The following RBL2 variants were observed in gnomAD, a reference collection of about 807,000 sequenced individuals.
RBL2 encodes retinoblastoma-like protein 2.
In RBL2, 56 loss-of-function variants were observed where a neutral mutation model predicts 126.0. The ratio of observed to expected loss-of-function variants is 0.44; its 90% CI spans 0.36 to 0.56. RBL2 has a LOEUF of 0.56. RBL2 is among the 20% of genes least tolerant of loss of function. The probability of loss-of-function intolerance (pLI) is 0.00; values close to 1 mark genes in which losing one functional copy is unlikely to be tolerated. For synonymous variants in RBL2, 454 were observed against 478.5 expected, an observed-to-expected ratio of 0.95 and a Z score of 0.67; for missense variants, 1,229 against 1,398.2, an observed-to-expected ratio of 0.88 and a Z score of 1.93.
Position 53,470,495 on chromosome 16 carries a change from T to G in RBL2, c.2358T>G (p.Ala786=). ...SIQPLSAQAL[A]GSLSSQQVTG... ...AGCCCCTCAGTGCTCAGGCCCTGGC[T>G]GGAAGTCTGAGCTCTCAACAGGTGA... Residue 786 remains alanine, a synonymous_variant, in exon 16 of 22, where the codon GCT becomes GCG. Transcript: ENST00000262133. The G allele has an allele frequency of 6.2e-7, 1 of 1,614,170 alleles. No homozygotes were observed. Among genetic ancestry groups the G allele is most frequent in the East Asian group, 2.2e-5 (1 of 44,882 alleles).
chr16:53,453,394 A>G, intron 5 of RBL2, 58 bp from the exon 6 acceptor site: 2 of 1,471,106 alleles, frequency 1.4e-6, no homozygotes, highest in Middle Eastern at 1.8e-4. Flanking sequence ...ATTTTAGTTT[A>G]TTACAAATTG....
intron 8 of RBL2, among the ~76,000 whole-genome samples, chr16:53,458,705 A>G (rs1453967514): frequency 6.6e-6 from 1 of 152,222 alleles, no homozygotes; most frequent in Non-Finnish European, 1.5e-5. Context: ...GAGTCCTCAG[A>G]ATCATGGTGT....
chr16:53,461,922 A>G, intron 10 of RBL2, 72 bp downstream of exon 10: 1 of 1,318,458 alleles, frequency 7.6e-7, no homozygotes, highest in Non-Finnish European at 1.1e-6. Context: ...TTACTAACTA[A>G]GAAAGATGAG....
intron 1 of RBL2, chr16:53,435,867 C>G: frequency 1.0e-6 from 1 of 974,998 alleles, no homozygotes; most frequent in Non-Finnish European, 1.4e-6. Context: ...GTTAGGTCTG[C>G]AGAAGATAGT....
At chr16:53,480,352 T>C in intron 19 of RBL2, 1 of 564,326 alleles carries the variant, frequency 1.8e-6, no homozygotes, top group Non-Finnish European at 3.1e-6. Context: ...AACTTATTAA[T>C]GGACACTACT....
In RBL2 at chr16:53,434,630, A is replaced by AGGAGGACGACGGCGAGGC. The variant is rs1279410370; in HGVS notation, c.78_95dup (p.Asp28_Asp33dup). The AGGAGGACGACGGCGAGGC allele has an allele frequency of 1.3e-6, 2 of 1,563,334 alleles. No homozygotes were observed. Among genetic ancestry groups the AGGAGGACGACGGCGAGGC allele is most frequent in the Non-Finnish European group, 1.7e-6 (2 of 1,164,776 alleles). ...GCGGCGGCAGCCTCGGATGAGGAGGAGGAGGACGACGGCGAGGCGGAAGAC... is the reference window on the plus strand; with the variant it reads ...GCGGCGGCAGCCTCGGATGAGGAGGAGGAGGACGACGGCGAGGCGGAGGACGACGGCGAGGCGGAAGAC... On this transcript the variant is annotated inframe_insertion, in exon 1 of 22. Coordinates refer to ENST00000262133, the MANE Select transcript of RBL2 (RefSeq NM_005611.4).
chr16:53,470,137 G>A lies in RBL2; in HGVS notation c.2197G>A (p.Ala733Thr), dbSNP rs1372130543. Residue 733 changes from alanine (A) to threonine (T), a missense_variant, in exon 15 of 22, where the codon GCC (alanine) becomes ACC (threonine). By Grantham distance (58) the Ala-to-Thr change is moderately conservative (BLOSUM62 0). Around this residue, in one of 2 missense-constraint regions of RBL2, gnomAD observed 1,070 missense variants for 1,274.3 expected, o/e 0.84. Coordinates refer to ENST00000262133, the MANE Select transcript of RBL2 (RefSeq NM_005611.4). ...ACAGACTTTGGTCACCATGGCAACC[G>A]CCACTGTCACAGCCAACAATGGGCA... ...PGQTLVTMAT[A>T]TVTANNGQTV... The A allele has an allele frequency of 3.7e-6, 6 of 1,613,280 alleles. No homozygotes were observed. Among genetic ancestry groups the A allele is most frequent in the Admixed American group, 1.7e-5 (1 of 59,982 alleles).
At chr16:53,465,271 C>T (rs920000516) in intron 12 of RBL2, among the ~76,000 whole-genome samples, 167 bp from the exon 13 acceptor site, 1 of 152,010 alleles carries the variant, frequency 6.6e-6, no homozygotes, top group African/African-American at 2.4e-5. Flanking sequence ...CAATGTAAAC[C>T]ATTTTATATA....
chr16:53,490,734 T>TA lies in RBL2; in HGVS notation c.*438dup, dbSNP rs1324796980. On this transcript the variant is annotated 3_prime_UTR_variant, in exon 22 of 22. Coordinates refer to ENST00000262133, the MANE Select transcript of RBL2 (RefSeq NM_005611.4). ...AAAACAAAAATTAGGTATTTTGTCC[T>TA]AAAACACCTGGTAGGAGTGTGTGAT... The TA allele has an allele frequency of 6.7e-6, 1 of 149,528 alleles. No individual in the cohort carries two copies. Among genetic ancestry groups the TA allele is most frequent in the African/African-American group, 2.5e-5 (1 of 39,390 alleles). 9.3% of individuals were successfully genotyped at this position (149,528 alleles called of 1,614,324 possible).
chr16:53,480,724 C>T lies in RBL2; in HGVS notation c.3039C>T (p.Tyr1013=). 6.2e-7 allele frequency: 1 copy of T among 1,613,330 alleles called. No individual in the cohort carries two copies. Among genetic ancestry groups the T allele is most frequent in the East Asian group, 2.2e-5 (1 of 44,886 alleles). The change falls in exon 20 of 22, where the codon TAC becomes TAT. Residue 1013 remains tyrosine (Y), a synonymous_variant. Transcript: ENST00000262133. ...TCATTCAGTTCTACAACAACATCTA[C>T]ATCAAACAGATTAAGACATTTGCCA... ...GDLIQFYNNI[Y]IKQIKTFAMK... is the part of the protein sequence containing the mutation.
rs576582328 is a variant in RBL2 at position 53,470,841 on chromosome 16, C to G, written c.2622C>G (p.Phe874Leu). 6 of 1,613,844 alleles carry G rather than the reference C, an allele frequency of 3.7e-6. No individual in the cohort carries two copies. The African/African-American group carries it at 8.0e-5, about 22-fold the overall frequency. ...AAAAAATCTGGACCTGCTTTGAATT[C>G]TCCATAATTCAGTGTCCTGAACTTA... ...LRKKIWTCFE[F>L]SIIQCPELMM... The change falls in exon 17 of 22, where the codon TTC (phenylalanine) becomes TTG (leucine). Residue 874 changes from phenylalanine to leucine, a missense_variant. Phe to Leu is a conservative substitution (Grantham distance 22). Coordinates refer to ENST00000262133, the MANE Select transcript of RBL2 (RefSeq NM_005611.4).
Position 53,434,700 on chromosome 16 carries a change from G to A in RBL2, c.144G>A (p.Arg48=), listed in dbSNP as rs2057938022. The A allele has an allele frequency of 6.4e-7, 1 of 1,569,980 alleles. No homozygotes were observed. Among genetic ancestry groups the A allele is most frequent in the African/African-American group, 1.4e-5 (1 of 73,886 alleles). Residue 48 remains arginine, a synonymous_variant, in exon 1 of 22, where the codon CGG becomes CGA. Transcript: ENST00000262133. ...AESPTPQIQQ[R]FDELCSRLNM... ...CGCCCACCCCTCAGATCCAGCAGCGGTTCGACGAGCTGTGCAGCCGCCTCA... is the reference window on the plus strand; with the variant it reads ...CGCCCACCCCTCAGATCCAGCAGCGATTCGACGAGCTGTGCAGCCGCCTCA...
rs150386255 is a variant in RBL2, at chr16:53,459,669, A to G, written c.1346+52A>G. 4.5e-4 allele frequency: 653 copies of G among 1,455,098 alleles called. 5 individuals are homozygous for G. The East Asian group carries it at 0.014, about 31-fold the overall frequency. 90.1% of individuals were successfully genotyped at this position (1,455,098 alleles called of 1,614,324 possible). A position where few individuals can be genotyped will look rare whatever the true frequency, so the allele number is the denominator to read the frequency against. On this transcript the variant is annotated intron_variant, in intron 9 of 21. Transcript: ENST00000262133. ...AAGATTTGGTTATTGACCATTTTCC[A>G]ATTTCCTATTCTTTCATTATTAATG...
rs563537769 is a variant in RBL2 at position 53,464,302 on chromosome 16, C to T, written c.1637C>T (p.Pro546Leu). The change falls in exon 12 of 22, where the codon CCT becomes CTT. Residue 546 changes from proline to leucine, a missense_variant. Coordinates refer to ENST00000262133, the MANE Select transcript of RBL2 (RefSeq NM_005611.4). ...GAGGTCGTCACTTTTTCTTATAAGC[C>T]TCCTGGGAATTTTCCATTTATTACT... Reference protein sequence around the residue: ...CLEVVTFSYKPPGNFPFITEI... With the variant: ...CLEVVTFSYKLPGNFPFITEI... 89 of 1,594,904 alleles carry T rather than the reference C, an allele frequency of 5.6e-5. No homozygotes were observed. The South Asian group carries it at 9.8e-4, about 18-fold the overall frequency.
chr16:53,479,435 T>C, intron 18 of RBL2: 1 of 551,424 alleles, frequency 1.8e-6, no homozygotes, highest in South Asian at 2.5e-5. Context: ...AAATATTTGA[T>C]TGCCTTCTTA....
In RBL2 at chr16:53,480,683, G is replaced by A. The variant is rs759661930; in HGVS notation, c.2998G>A (p.Glu1000Lys). 1 of 1,613,872 alleles carries A rather than the reference G, an allele frequency of 6.2e-7. No homozygotes were observed. Among genetic ancestry groups the A allele is most frequent in the East Asian group, 2.2e-5 (1 of 44,876 alleles). The change falls in exon 20 of 22, where the codon GAG becomes AAG. Residue 1000 changes from glutamate (E) to lysine (K), a missense_variant. Glu to Lys is a moderately conservative substitution (Grantham distance 56). Around this residue, in one of 2 missense-constraint regions of RBL2, gnomAD observed 1,070 missense variants for 1,274.3 expected, o/e 0.84. Transcript: ENST00000262133. ...AGGTGCCAACAGTGACATGGAAGAA[G>A]AGGAGAGGGGAGACCTCATTCAGTT... The part of the protein sequence containing the change: ...LTGANSDMEE[E>K]ERGDLIQFYN...
Position 53,479,978 on chromosome 16 carries a change from A to T in RBL2, c.2868A>T (p.Leu956=). ...GCCATCAGAATTCTCCAACAGAACTAAACAAAGATAGAAGTAAGTGGGATC... is the reference window on the plus strand; with the variant it reads ...GCCATCAGAATTCTCCAACAGAACTTAACAAAGATAGAAGTAAGTGGGATC... ...SRSHQNSPTE[L]NKDRTSRDSS... Residue 956 remains leucine, a synonymous_variant, in exon 19 of 22, where the codon CTA becomes CTT. Coordinates refer to ENST00000262133, the MANE Select transcript of RBL2 (RefSeq NM_005611.4). The T allele has an allele frequency of 6.3e-7, 1 of 1,597,794 alleles. No homozygotes were observed. The highest frequency in any genetic ancestry group is 8.5e-7 in the Non-Finnish European group (1 of 1,169,868).
intron 7 of RBL2, 127 bp downstream of exon 7, chr16:53,453,896 CA>C: frequency 2.5e-6 from 2 of 812,650 alleles, no homozygotes; most frequent in Non-Finnish European, 3.8e-6. Context: ...TACAGGGAAG[CA>C]AAAATTCTGT....
chr16:53,442,278 C>A (rs542542932), intron 2 of RBL2, among the ~76,000 whole-genome samples: 1 of 152,258 alleles, frequency 6.6e-6, no homozygotes, highest in East Asian at 1.9e-4. Flanking sequence ...TGAACTCCAA[C>A]ATGGGTGATA....
Sources: gnomAD v4.1 joint callset for allele counts (sites outside exome capture counted in the v4.1 genomes callset) on GRCh38, gnomAD v4.1.1 for gene constraint, gnomAD v4.1.1 regional missense constraint, MANE v1.5 for transcripts, NCBI Gene and HGNC (gene_info 2026-07-23, HGNC 2026-07-21) for gene names.